The following CSPP1 variants were observed in gnomAD, a reference collection of about 807,000 sequenced individuals.
CSPP1 encodes centrosome and spindle pole associated protein 1, also known as centrosome and spindle pole-associated protein 1.
CSPP1 carries 126 observed loss-of-function variants against 164.4 expected under a neutral mutation model. That is an observed-to-expected ratio of 0.77 (90% confidence interval 0.66 to 0.89). CSPP1 has a LOEUF of 0.89. Ranked by LOEUF, CSPP1 falls within the 40% of genes least tolerant of loss-of-function variation. The pLI, the probability that CSPP1 is intolerant of heterozygous loss-of-function variation, is 0.00. For missense variants in CSPP1, 1,395 were observed against 1,449.8 expected, an observed-to-expected ratio of 0.96 and a Z score of 0.61; for synonymous variants, 472 against 476.7, an observed-to-expected ratio of 0.99 and a Z score of 0.13.
rs1811661853 is a variant in CSPP1, at chr8:67,091,794, T to C, written c.304-9T>C. 2 of 1,170,328 alleles carry C rather than the reference T, an allele frequency of 1.7e-6. No individual in the cohort carries two copies. The highest frequency in any genetic ancestry group is 1.3e-5 in the South Asian group (1 of 75,808). 72.5% of individuals were successfully genotyped at this position (1,170,328 alleles called of 1,614,324 possible). Reference sequence around the variant, plus strand: ...AGGTAATATATTTTTTTAATGTGTATATATACAGAAAAATTTTCTATCTAC... The same window carrying C: ...AGGTAATATATTTTTTTAATGTGTACATATACAGAAAAATTTTCTATCTAC... On this transcript the variant is annotated splice_polypyrimidine_tract_variant and intron_variant, in intron 4 of 30. Coordinates refer to ENST00000678616, the MANE Select transcript of CSPP1 (RefSeq NM_001382391.1).
At chr8:67,097,682 T>C (rs1586053927) in intron 7 of CSPP1, among the ~76,000 whole-genome samples, 1 of 151,976 alleles carries the variant, frequency 6.6e-6, no homozygotes, top group Non-Finnish European at 1.5e-5. Flanking sequence ...AACATAATGG[T>C]TGCTTCTTTG....
chr8:67,103,169 C>G, intron 8 of CSPP1, 34 bp downstream of exon 8: 1 of 1,295,196 alleles, frequency 7.7e-7, no homozygotes, highest in Non-Finnish European at 1.1e-6. Context: ...CTGCTTTAGT[C>G]ATTACATTGT....
chr8:67,136,836 G>A (rs1159746292), intron 16 of CSPP1, among the ~76,000 whole-genome samples: 1 of 151,952 alleles, frequency 6.6e-6, no homozygotes, highest in Non-Finnish European at 1.5e-5. Context: ...GGAACTGGCA[G>A]GGTTAGAGAG....
intron 29 of CSPP1, among the ~76,000 whole-genome samples, chr8:67,192,494 TTTTAAC>T (rs1473890710): frequency 2.6e-5 from 4 of 152,382 alleles, no homozygotes; most frequent in African/African-American, 9.6e-5. Flanking sequence ...TTCTGTATCT[TTTTAAC>T]TTTCTTGATG....
rs114137962 is a variant in CSPP1, at chr8:67,068,315, A to G, written c.-11+3777A>G. ...TCATTCATGTTGAGATCAATAAGTG[A>G]TAGAAGTATATTTCAAACTCAGTTC... On this transcript the variant is annotated intron_variant, in intron 1 of 30. Coordinates refer to ENST00000678616, the MANE Select transcript of CSPP1 (RefSeq NM_001382391.1). 3.6e-3 allele frequency among the ~76,000 whole-genome samples: 546 copies of G among 152,368 alleles called. 3 individuals are homozygous for G. Among genetic ancestry groups the G allele is most frequent in the African/African-American group, 0.011 (462 of 41,584 alleles).
At chr8:67,130,588 T>G (rs1821030196) in intron 15 of CSPP1, among the ~76,000 whole-genome samples, 1 of 152,226 alleles carries the variant, frequency 6.6e-6, no homozygotes, top group Non-Finnish European at 1.5e-5. Flanking sequence ...CAAACATACT[T>G]GTTTATCCTA....
chr8:67,194,589 A>G (rs1341526249), intron 30 of CSPP1, among the ~76,000 whole-genome samples: 1 of 152,166 alleles, frequency 6.6e-6, no homozygotes, highest in Non-Finnish European at 1.5e-5. Context: ...AAGGTTTTTA[A>G]TGTCTACACT....
chr8:67,071,667 T>G (rs939473140), intron 1 of CSPP1, among the ~76,000 whole-genome samples: 2 of 152,220 alleles, frequency 1.3e-5, no homozygotes, highest in African/African-American at 4.8e-5. Context: ...CTGTCCAAGA[T>G]TCTATCCACA....
In CSPP1 at chr8:67,156,263, G is replaced by A. The variant is rs370482208; in HGVS notation, c.2241+2127G>A. 4.1e-4 allele frequency among the ~76,000 whole-genome samples: 63 copies of A among 152,294 alleles called. 2 individuals are homozygous for A. The South Asian group carries it at 0.012, about 30-fold the overall frequency. ...ATACACAGACTAACAGGCTTGCCCA[G>A]GGTGTCACAGCTAGCAAATTGTGAG... is the stretch of plus-strand genomic sequence containing the variant. On this transcript the variant is annotated intron_variant, in intron 19 of 30. Coordinates refer to ENST00000678616, the MANE Select transcript of CSPP1 (RefSeq NM_001382391.1).
In CSPP1 at chr8:67,116,015, A is replaced by G; in HGVS notation, c.1389A>G (p.Leu463=). 2 of 1,613,830 alleles carry G rather than the reference A, an allele frequency of 1.2e-6. No individual in the cohort carries two copies. Among genetic ancestry groups the G allele is most frequent in the Non-Finnish European group, 1.7e-6 (2 of 1,179,848 alleles). Residue 463 remains leucine (L), a synonymous_variant, in exon 13 of 31, where the codon TTA becomes TTG. Coordinates refer to ENST00000678616, the MANE Select transcript of CSPP1 (RefSeq NM_001382391.1). ...CTTTCCAGACACCTCTCCCTCCTTT[A>G]TCTGCCCCATCTGTCCCACCCATCC... is the stretch of plus-strand genomic sequence containing the variant. ...RIAFQTPLPP[L]SAPSVPPIPS...
chr8:67,131,368 C>T (rs1378601162), intron 15 of CSPP1, among the ~76,000 whole-genome samples: 3 of 152,018 alleles, frequency 2.0e-5, no homozygotes, highest in East Asian at 1.9e-4. Context: ...GCCTGGGTGA[C>T]GAAGTAGGAC....
Position 67,095,443 on chromosome 8 carries a change from C to G in CSPP1, c.634C>G (p.Leu212Val). Residue 212 changes from leucine (L) to valine (V), a missense_variant, in exon 7 of 31, where the codon CTA becomes GTA. Physicochemically the swap from Leu to Val is conservative, Grantham distance 32 (BLOSUM62 1). Coordinates refer to ENST00000678616, the MANE Select transcript of CSPP1 (RefSeq NM_001382391.1). ...AYEELLNQRRLEEDRYRQLDD... is the reference protein window; with the variant it reads ...AYEELLNQRRVEEDRYRQLDD... ...TGAAGAACTTCTGAACCAAAGACGA[C>G]TAGAGGAGGACAGATACCGACAACT... is the stretch of plus-strand genomic sequence containing the variant. 1 of 1,613,058 alleles carries G rather than the reference C, an allele frequency of 6.2e-7. No individual in the cohort carries two copies. The highest frequency in any genetic ancestry group is 8.5e-7 in the Non-Finnish European group (1 of 1,179,784).
intron 28 of CSPP1, among the ~76,000 whole-genome samples, chr8:67,184,145 G>A (rs995697609): frequency 6.6e-5 from 10 of 152,110 alleles, no homozygotes; most frequent in East Asian, 5.8e-4. Flanking sequence ...GAGCCACTGC[G>A]CCCGGCCAAA....
chr8:67,170,712 A>G (rs1041351369), intron 24 of CSPP1, among the ~76,000 whole-genome samples: 1 of 152,194 alleles, frequency 6.6e-6, no homozygotes, highest in African/African-American at 2.4e-5. Context: ...AGGATTTTGA[A>G]AAATTTCAAT....
intron 16 of CSPP1, chr8:67,135,970 G>C (rs753122080): frequency 6.6e-6 from 1 of 152,190 alleles, no homozygotes; most frequent in Non-Finnish European, 1.5e-5. Context: ...GAGACCCAAA[G>C]AGAGGGAAAG....
At chr8:67,065,444 C>T (rs1340093000) in intron 1 of CSPP1, 2 of 666,768 alleles carry the variant, frequency 3.0e-6, no homozygotes, top group Admixed American at 1.3e-4. Flanking sequence ...GGCTTAAAAG[C>T]AACCGATAGG....
rs745801365 is a variant in CSPP1 at position 67,090,590 on chromosome 8, A to G, written c.304-1213A>G. On this transcript the variant is annotated intron_variant, in intron 4 of 30. Coordinates refer to ENST00000678616, the MANE Select transcript of CSPP1 (RefSeq NM_001382391.1). ...TGAGCCACCCTGCCTGGCCAGATTT[A>G]ATGAAACTTTATTAATCACTTAGTT... is the stretch of plus-strand genomic sequence containing the variant. Among the ~76,000 whole-genome samples the G allele has an allele frequency of 7.2e-5, 11 of 152,274 alleles. No homozygotes were observed. In the South Asian group the frequency reaches 1.7e-3, roughly 23 times the overall value.
chr8:67,105,969 C>T lies in CSPP1; in HGVS notation c.1087C>T (p.Leu363Phe). The change falls in exon 9 of 31, where the codon CTC becomes TTC. Residue 363 changes from leucine (L) to phenylalanine (F), a missense_variant. Leu to Phe is a conservative substitution (Grantham distance 22, BLOSUM62 0). Coordinates refer to ENST00000678616, the MANE Select transcript of CSPP1 (RefSeq NM_001382391.1). ...TACCTGTAGTCCTTTTGCAGGGATG[C>T]TCTTTGGTAGGCACAAAACTTCCAA... ...QDTCSPFAGM[L>F]FGGEDRELIQ... 1 of 1,572,458 alleles carries T rather than the reference C, an allele frequency of 6.4e-7. No homozygotes were observed. Among genetic ancestry groups the T allele is most frequent in the Non-Finnish European group, 8.8e-7 (1 of 1,142,360 alleles).
chr8:67,160,346 T>G (rs1828089694), intron 21 of CSPP1, among the ~76,000 whole-genome samples: 1 of 151,570 alleles, frequency 6.6e-6, no homozygotes. Context: ...GCACCTGTAG[T>G]CCCAGCTACT....
Sources: allele counts gnomAD v4.1 joint callset (sites outside exome capture counted in the v4.1 genomes callset), GRCh38; gene constraint gnomAD v4.1.1; transcripts MANE v1.5; gene names NCBI Gene and HGNC (gene_info 2026-07-23, HGNC 2026-07-21).